AVEN: variants seen among roughly 807,000 people sequenced by gnomAD.
AVEN encodes apoptosis and caspase activation inhibitor.
In AVEN, 41 loss-of-function variants were observed where a neutral mutation model predicts 38.1. That is an observed-to-expected ratio of 1.08 (90% CI 0.84 to 1.40). AVEN has a LOEUF of 1.40. AVEN is among the 40% of genes most tolerant of loss of function. The pLI, the probability that AVEN is intolerant of heterozygous loss-of-function variation, is 0.00. For synonymous variants in AVEN, 206 were observed against 171.8 expected (o/e 1.20, Z -1.56); for missense variants, 605 against 438.8 (o/e 1.38, Z -3.38).
chr15:33,973,155 G>A (rs1005987158), intron 2 of AVEN, among the ~76,000 whole-genome samples: 3 of 152,124 alleles, frequency 2.0e-5, no homozygotes, highest in Non-Finnish European at 2.9e-5. Flanking sequence ...ATTGTTTGAC[G>A]TCACACTGTT....
chr15:33,904,496 C>G (rs1892605216), intron 2 of AVEN, among the ~76,000 whole-genome samples: 1 of 152,098 alleles, frequency 6.6e-6, no homozygotes, highest in African/African-American at 2.4e-5. Context: ...ACTGCAACCT[C>G]TGCCTCCCGG....
chr15:33,914,837 C>G (rs796303251), intron 2 of AVEN, among the ~76,000 whole-genome samples: 7 of 151,818 alleles, frequency 4.6e-5, no homozygotes, highest in African/African-American at 1.7e-4. Flanking sequence ...CATATATGTA[C>G]ACATAAATGT....
downstream of AVEN, chr15:33,857,663 C>T (rs1047446664): frequency 1.5e-5 from 19 of 1,303,944 alleles, no homozygotes; most frequent in South Asian, 2.3e-4. Context: ...ACCCCTTCCC[C>T]ATTTCCTCTC....
chr15:34,027,024 A>G (rs1898509581), intron 1 of AVEN, among the ~76,000 whole-genome samples: 1 of 152,232 alleles, frequency 6.6e-6, no homozygotes, highest in South Asian at 2.1e-4. Flanking sequence ...TACTTCCAGA[A>G]TGATAAAGAC....
intron 5 of AVEN, among the ~76,000 whole-genome samples, chr15:34,045,492 G>A (rs1043197285): frequency 6.6e-6 from 1 of 152,104 alleles, no homozygotes; most frequent in Non-Finnish European, 1.5e-5. Flanking sequence ...TAACACAGTG[G>A]TACCCCATGT....
chr15:34,009,444 T>C lies in AVEN; in HGVS notation c.268-6235A>G, dbSNP rs1008759692. On this transcript the variant is annotated intron_variant, in intron 1 of 5. Transcript: ENST00000306730. Reference sequence around the variant, plus strand: ...TTCTATAAAACAATATGTGTATAATTGTATTGCTGGGCCTATAACATAGAT... The same window carrying C: ...TTCTATAAAACAATATGTGTATAATCGTATTGCTGGGCCTATAACATAGAT... Among the ~76,000 whole-genome samples the C allele has an allele frequency of 2.0e-5, 3 of 152,336 alleles. No homozygotes were observed. In the South Asian group the frequency reaches 6.2e-4, roughly 32 times the overall value.
chr15:33,882,897 AAAC>A (rs1177018057), intron 2 of AVEN, among the ~76,000 whole-genome samples: 5 of 152,182 alleles, frequency 3.3e-5, no homozygotes, highest in Admixed American at 2.6e-4. Context: ...CAAACAAAAG[AAAC>A]AAAAACGGAA....
chr15:33,985,310 T>A (rs917188195), intron 2 of AVEN, among the ~76,000 whole-genome samples: 1 of 151,484 alleles, frequency 6.6e-6, no homozygotes, highest in Non-Finnish European at 1.5e-5. Context: ...CGTCTCAGAG[T>A]GGTAATTCAA....
intron 1 of AVEN, among the ~76,000 whole-genome samples, chr15:34,033,210 T>A (rs976403244): frequency 6.6e-6 from 1 of 152,116 alleles, no homozygotes; most frequent in Non-Finnish European, 1.5e-5. Context: ...TACCTTTATG[T>A]TTAATAACTG....
intron 2 of AVEN, among the ~76,000 whole-genome samples, chr15:33,987,185 T>G (rs1469542610): frequency 6.6e-6 from 1 of 152,218 alleles, no homozygotes; most frequent in Non-Finnish European, 1.5e-5. Context: ...GGATATTCTT[T>G]CCATCCCACT....
chr15:33,910,740 C>T (rs1223536900), intron 2 of AVEN, among the ~76,000 whole-genome samples: 2 of 152,164 alleles, frequency 1.3e-5, no homozygotes, highest in Non-Finnish European at 2.9e-5. Flanking sequence ...GGCCAACGGA[C>T]ACTCTGGTAG....
rs549004916 is a variant in AVEN, at chr15:33,896,700, T to C, written c.446-20705A>G. ...AAGCCTGCATCCATCCCTCTCATCA[T>C]CTGCCTGGAGCCTAATCATTCATCC... On this transcript the variant is annotated intron_variant, in intron 2 of 5. Transcript: ENST00000306730. Among the ~76,000 whole-genome samples the C allele has an allele frequency of 2.6e-5, 4 of 152,330 alleles. No homozygotes were observed. The East Asian group carries it at 7.7e-4, about 29-fold the overall frequency.
intron 2 of AVEN, among the ~76,000 whole-genome samples, chr15:33,942,604 C>A (rs568206274): frequency 5.3e-5 from 8 of 152,074 alleles, no homozygotes; most frequent in Non-Finnish European, 1.0e-4. Context: ...GCACCCGCCA[C>A]CATGCCCGGC....
At chr15:33,964,219 G>A (rs494935) in intron 2 of AVEN, among the ~76,000 whole-genome samples, 147,454 of 152,280 alleles carry the variant, frequency 0.97, 71,513 homozygotes, top group Non-Finnish European at 1. Flanking sequence ...CCCCCCGAAC[G>A]TATCTGTTCC....
At chr15:33,904,815 A>G (rs1892634769) in intron 2 of AVEN, among the ~76,000 whole-genome samples, 1 of 151,912 alleles carries the variant, frequency 6.6e-6, no homozygotes, top group Non-Finnish European at 1.5e-5. Context: ...ATTTAATTAT[A>G]TTTTAAAAAT....
At chr15:34,009,075 C>T (rs766381016) in intron 1 of AVEN, among the ~76,000 whole-genome samples, 2 of 151,766 alleles carry the variant, frequency 1.3e-5, no homozygotes, top group African/African-American at 2.4e-5. Flanking sequence ...TCAGAATCAA[C>T]GGAAGCCAGA....
chr15:33,879,427 AGCATTAGGAGATATATCTAAT>A (rs1210187257), intron 2 of AVEN, among the ~76,000 whole-genome samples: 1 of 148,656 alleles, frequency 6.7e-6, no homozygotes, highest in African/African-American at 2.5e-5. Context: ...GGGGAGGGAT[AGCATTAGGAGATATATCTAAT>A]GCTAAATGAC....
chr15:33,931,887 C>G (rs1893866317), intron 2 of AVEN, among the ~76,000 whole-genome samples: 1 of 152,122 alleles, frequency 6.6e-6, no homozygotes, highest in South Asian at 2.1e-4. Context: ...TCAAAACCAT[C>G]CCCCTGATGG....
intron 2 of AVEN, among the ~76,000 whole-genome samples, chr15:33,985,236 A>G (rs1421871554): frequency 6.6e-6 from 1 of 151,856 alleles, no homozygotes; most frequent in Non-Finnish European, 1.5e-5. Flanking sequence ...CAGAGACAAA[A>G]GGTGTCTCTG....
Sources: gnomAD v4.1 joint callset for allele counts (sites outside exome capture counted in the v4.1 genomes callset) on GRCh38, gnomAD v4.1.1 for gene constraint, MANE v1.5 for transcripts, NCBI Gene and HGNC (gene_info 2026-07-23, HGNC 2026-07-21) for gene names.